The following DUSP22 variants were observed in gnomAD, a reference collection of about 807,000 sequenced individuals.
DUSP22 encodes the protein dual specificity protein phosphatase 22.
A neutral mutation model predicts 24.5 loss-of-function variants in DUSP22; 24 were observed. The observed-to-expected ratio is 0.98, with a 90% CI of 0.71 to 1.38. The LOEUF (loss-of-function observed/expected upper bound fraction) is 1.38. DUSP22 is among the 40% of genes most tolerant of loss of function. The pLI, the probability that DUSP22 is intolerant of heterozygous loss-of-function variation, is 0.00. For missense variants in DUSP22, 330 were observed against 269.2 expected, an observed-to-expected ratio of 1.23 and a Z score of -1.58; for synonymous variants, 160 against 106.4, an observed-to-expected ratio of 1.50 and a Z score of -3.10.
At chr6:319,070 G>A (rs565903607) in intron 3 of DUSP22, among the ~76,000 whole-genome samples, 82 of 152,304 alleles carry the variant, frequency 5.4e-4, no homozygotes, top group South Asian at 4.6e-3. Context: ...CCTCAAACTG[G>A]TGATTTCCTA....
intron 1 of DUSP22, among the ~76,000 whole-genome samples, chr6:293,416 C>A (rs1222263351): frequency 6.6e-6 from 1 of 152,290 alleles, no homozygotes; most frequent in African/African-American, 2.4e-5. Flanking sequence ...CAAGACTTTA[C>A]AAAGCCCGCA....
At chr6:300,453 T>C (rs1420407091) in intron 1 of DUSP22, among the ~76,000 whole-genome samples, 1 of 152,300 alleles carries the variant, frequency 6.6e-6, no homozygotes, top group African/African-American at 2.4e-5. Flanking sequence ...GAGGGACCAC[T>C]CAGTCTGGAG....
Position 350,739 on chromosome 6 carries a change from C to T in DUSP22, c.*1788C>T. The T allele has an allele frequency of 5.0e-6, 8 of 1,612,748 alleles. No homozygotes were observed. The highest frequency in any genetic ancestry group is 5.9e-6 in the Non-Finnish European group (7 of 1,179,382). ...TAGCTTGAATGCTTAAATATGTGCA[C>T]CTTTACAAACCTCTCAGTGTATTCT... On this transcript the variant is annotated 3_prime_UTR_variant, in exon 7 of 7. Transcript: ENST00000419235.
chr6:350,934 G>A lies in DUSP22; in HGVS notation c.*1983G>A, dbSNP rs1053965518. ...TAGGCTGGTGCTGCCAAAAAGAAAA[G>A]CAACATAGAGTTTAAGTATCCAGTA... On this transcript the variant is annotated 3_prime_UTR_variant, in exon 7 of 7. Transcript: ENST00000419235. The A allele has an allele frequency of 2.3e-4, 374 of 1,602,480 alleles. No homozygotes were observed. The highest frequency in any genetic ancestry group is 3.1e-4 in the Non-Finnish European group (363 of 1,170,538).
chr6:318,671 G>T (rs1047398564), intron 3 of DUSP22, among the ~76,000 whole-genome samples: 1 of 152,302 alleles, frequency 6.6e-6, no homozygotes, highest in African/African-American at 2.4e-5. Flanking sequence ...GCTATAGGTT[G>T]CCCTTCTCCA....
In DUSP22 at chr6:350,825, C is replaced by G. The variant is rs757093438; in HGVS notation, c.*1874C>G. 60 of 1,614,074 alleles carry G rather than the reference C, an allele frequency of 3.7e-5. No individual in the cohort carries two copies. Among genetic ancestry groups the G allele is most frequent in the Non-Finnish European group, 4.8e-5 (57 of 1,179,956 alleles). On this transcript the variant is annotated 3_prime_UTR_variant, in exon 7 of 7. Coordinates refer to ENST00000419235, the MANE Select transcript of DUSP22 (RefSeq NM_001286555.3). Reference sequence around the variant, plus strand: ...CAGTAATGTTCTTTCTTCACAGCCGCTCCGGGAATTCTGAAGTTCTGGGCC... The same window carrying G: ...CAGTAATGTTCTTTCTTCACAGCCGGTCCGGGAATTCTGAAGTTCTGGGCC...
chr6:350,993 AAT>A lies in DUSP22; in HGVS notation c.*2048_*2049del. 7.6e-7 allele frequency: 1 copy of A among 1,321,814 alleles called. No individual in the cohort carries two copies. Among genetic ancestry groups the A allele is most frequent in the Non-Finnish European group, 1.1e-6 (1 of 926,922 alleles). The allele number at this position is 1,321,814 out of a possible 1,614,324, so 81.9% of individuals were successfully genotyped here. On this transcript the variant is annotated 3_prime_UTR_variant, in exon 7 of 7. Coordinates refer to ENST00000419235, the MANE Select transcript of DUSP22 (RefSeq NM_001286555.3). ...TAAACTTGTTTTTCATTTGAAGCTG[AAT>A]ATATACGTAGTCATGTTTATGTTGA...
Position 351,091 on chromosome 6 carries a change from C to A in DUSP22, c.*2140C>A. 1 of 712,216 alleles carries A rather than the reference C, an allele frequency of 1.4e-6. No individual in the cohort carries two copies. The allele number at this position is 712,216 out of a possible 1,614,324, so 44.1% of individuals were successfully genotyped here. A position where few individuals can be genotyped will look rare whatever the true frequency, so the allele number is the denominator to read the frequency against. On this transcript the variant is annotated 3_prime_UTR_variant, in exon 7 of 7. Transcript: ENST00000419235. ...CCCACTGCTGTGGAGGTTTCTGTAC[C>A]TCGCTTGGATGCCTGTAAGGATCCC...
At chr6:306,733 A>G (rs1757827397) in intron 2 of DUSP22, among the ~76,000 whole-genome samples, 1 of 152,312 alleles carries the variant, frequency 6.6e-6, no homozygotes, top group Admixed American at 6.5e-5. Context: ...TTCATTGCAC[A>G]AGCTTATCGG....
chr6:293,332 G>T (rs7767281), intron 1 of DUSP22, among the ~76,000 whole-genome samples: 8,439 of 149,984 alleles, frequency 0.056, no homozygotes, highest in East Asian at 0.073. Context: ...GAGAGTTGCC[G>T]GGGTGTATTC....
At chr6:327,819 G>A (rs377397165) in intron 3 of DUSP22, among the ~76,000 whole-genome samples, 178 of 152,324 alleles carry the variant, frequency 1.2e-3, no homozygotes, top group African/African-American at 3.9e-3. Flanking sequence ...GGATGGCCGG[G>A]AGCAGGGAAG....
chr6:316,513 G>A (rs1015321667), intron 3 of DUSP22, among the ~76,000 whole-genome samples: 3 of 152,304 alleles, frequency 2.0e-5, no homozygotes. Flanking sequence ...GTCTACTGAT[G>A]GCTCCAGGTT....
At chr6:306,576 G>A (rs1179310378) in intron 2 of DUSP22, among the ~76,000 whole-genome samples, 1 of 152,304 alleles carries the variant, frequency 6.6e-6, no homozygotes, top group African/African-American at 2.4e-5. Context: ...GTATGAGGTT[G>A]TGTTTTATTC....
At chr6:297,379 A>G (rs538948399) in intron 1 of DUSP22, among the ~76,000 whole-genome samples, 1 of 152,422 alleles carries the variant, frequency 6.6e-6, no homozygotes, top group East Asian at 1.9e-4. Context: ...GATGTGACTG[A>G]CACTTGTTTG....
chr6:347,656 T>A (rs556143698), intron 5 of DUSP22, among the ~76,000 whole-genome samples: 9 of 152,420 alleles, frequency 5.9e-5, no homozygotes, highest in Admixed American at 2.0e-4. Flanking sequence ...AAATTATAGA[T>A]CTAGCCCTCA....
chr6:292,606 C>CCCTGCCGTCTCGCCGGCGT (rs1757139324), intron 1 of DUSP22, 46 bp downstream of exon 1: 1 of 1,576,454 alleles, frequency 6.3e-7, no homozygotes, highest in East Asian at 2.4e-5. Flanking sequence ...CGCTCCGACG[C>CCCTGCCGTCTCGCCGGCGT]CCTGCCGTCT....
At chr6:295,886 C>G (rs1757305231) in intron 1 of DUSP22, among the ~76,000 whole-genome samples, 1 of 152,110 alleles carries the variant, frequency 6.6e-6, no homozygotes, top group Non-Finnish European at 1.5e-5. Flanking sequence ...CACGGTAGCC[C>G]TATGAGGTCA....
At position 315,381 on chromosome 6, in the gene DUSP22, G is replaced by A. The variant is rs573423125; in HGVS notation, c.138+3419G>A. On this transcript the variant is annotated intron_variant, in intron 3 of 6. Coordinates refer to ENST00000419235, the MANE Select transcript of DUSP22 (RefSeq NM_001286555.3). ...TCATTGGGTGGACAAAAACCTGGAC[G>A]TTGGGAGACAGGAAAGGACTTGCCT... Among the ~76,000 whole-genome samples, 28 of 152,404 alleles carry A rather than the reference G, an allele frequency of 1.8e-4. No individual in the cohort carries two copies. In the South Asian group the frequency reaches 4.1e-3, roughly 23 times the overall value.
intron 1 of DUSP22, among the ~76,000 whole-genome samples, chr6:299,807 G>A (rs1479706021): frequency 1.3e-5 from 2 of 152,422 alleles, no homozygotes; most frequent in East Asian, 3.9e-4. Context: ...CCACAGGTGT[G>A]GCCGGGCACC....
Sources: gnomAD v4.1 joint callset for allele counts (sites outside exome capture counted in the v4.1 genomes callset) on GRCh38, gnomAD v4.1.1 for gene constraint, MANE v1.5 for transcripts, NCBI Gene and HGNC (gene_info 2026-07-23, HGNC 2026-07-21) for gene names.